The following PDE4D variants were observed in gnomAD, a reference collection of about 807,000 sequenced individuals.
The protein encoded by PDE4D is 3',5'-cyclic-AMP phosphodiesterase 4D.
Under a neutral mutation model 87.4 loss-of-function variants are expected in PDE4D, and 24 were observed. The ratio of observed to expected loss-of-function variants is 0.27; its 90% CI spans 0.20 to 0.39. The LOEUF (loss-of-function observed/expected upper bound fraction) is 0.39. PDE4D is among the 10% of genes least tolerant of loss of function. The pLI is 1.00. For missense variants in PDE4D, 714 were observed against 1,041.0 expected (o/e 0.69, Z 4.32); for synonymous variants, 384 against 383.2 (o/e 1.00, Z -0.02).
intron 1 of PDE4D, among the ~76,000 whole-genome samples, chr5:60,218,713 T>G (rs1360105452): frequency 6.6e-6 from 1 of 152,068 alleles, no homozygotes; most frequent in Non-Finnish European, 1.5e-5. Context: ...ATTGAACTAT[T>G]TTAGGGTTGT....
At chr5:60,422,235 A>C (rs1393075591) in intron 1 of PDE4D, among the ~76,000 whole-genome samples, 1 of 152,210 alleles carries the variant, frequency 6.6e-6, no homozygotes, top group Non-Finnish European at 1.5e-5. Flanking sequence ...CCCAAGACAC[A>C]TAATTTTCAG....
intron 2 of PDE4D, among the ~76,000 whole-genome samples, chr5:60,085,174 T>C (rs917963304): frequency 1.3e-5 from 2 of 152,132 alleles, no homozygotes; most frequent in African/African-American, 4.8e-5. Context: ...TATTCACAGG[T>C]TAATCTTCCA....
chr5:59,723,374 G>T (rs1756131670), intron 1 of PDE4D, among the ~76,000 whole-genome samples: 2 of 152,100 alleles, frequency 1.3e-5, no homozygotes, highest in African/African-American at 4.8e-5. Context: ...CTCATAGAAT[G>T]TGGTAAAACT....
At chr5:60,465,792 C>T (rs1358450386) in intron 1 of PDE4D, among the ~76,000 whole-genome samples, 2 of 151,792 alleles carry the variant, frequency 1.3e-5, no homozygotes, top group Non-Finnish European at 1.5e-5. Flanking sequence ...CTCACATTAG[C>T]CTACAGTTGG....
chr5:59,904,100 T>C (rs935308182), intron 3 of PDE4D, among the ~76,000 whole-genome samples: 21 of 152,194 alleles, frequency 1.4e-4, no homozygotes, highest in African/African-American at 4.6e-4. Context: ...GCTGCTGTTA[T>C]TGGTATTAGT....
intron 1 of PDE4D, among the ~76,000 whole-genome samples, chr5:59,313,637 CT>C (rs1032946879): frequency 6.6e-6 from 1 of 152,126 alleles, no homozygotes; most frequent in African/African-American, 2.4e-5. Context: ...CAGTACAAAC[CT>C]TAACCTTCCT....
At chr5:59,388,953 C>T (rs994813923) in intron 1 of PDE4D, among the ~76,000 whole-genome samples, 5 of 151,914 alleles carry the variant, frequency 3.3e-5, no homozygotes, top group Admixed American at 1.3e-4. Flanking sequence ...ATAATGGAAT[C>T]AAATTTTAGC....
chr5:59,053,662 T>TTTG (rs1366419772), intron 5 of PDE4D, among the ~76,000 whole-genome samples: 47 of 70,582 alleles, frequency 6.7e-4, no homozygotes, highest in African/African-American at 2.0e-3. Context: ...TTTGTTGTTG[T>TTTG]TTTTTTTTTT....
chr5:60,384,276 G>A (rs895475718), intron 1 of PDE4D, among the ~76,000 whole-genome samples: 1 of 152,074 alleles, frequency 6.6e-6, no homozygotes, highest in Non-Finnish European at 1.5e-5. Flanking sequence ...GTATGGTAAC[G>A]CAAATCATGC....
At chr5:59,591,717 A>AAAAAC (rs1225429334) in intron 1 of PDE4D, among the ~76,000 whole-genome samples, 7 of 152,190 alleles carry the variant, frequency 4.6e-5, no homozygotes, top group African/African-American at 1.7e-4. Context: ...CTTAGATGTC[A>AAAAAC]AAAACAAAAC....
At chr5:59,554,175 C>G (rs2153688987) in intron 1 of PDE4D, among the ~76,000 whole-genome samples, 1 of 152,228 alleles carries the variant, frequency 6.6e-6, no homozygotes, top group East Asian at 1.9e-4. Flanking sequence ...AAAGTTCCTG[C>G]TCTTGACATT....
chr5:59,817,638 G>A (rs933978852), intron 1 of PDE4D, among the ~76,000 whole-genome samples: 1 of 152,042 alleles, frequency 6.6e-6, no homozygotes, highest in African/African-American at 2.4e-5. Context: ...TTTAAATGTG[G>A]TCATAAGGGT....
intron 2 of PDE4D, among the ~76,000 whole-genome samples, chr5:60,166,230 G>GT (rs1782888166): frequency 6.6e-6 from 1 of 152,136 alleles, no homozygotes; most frequent in Non-Finnish European, 1.5e-5. Context: ...GAGTAGCTGG[G>GT]ACTACAGGCG....
intron 1 of PDE4D, among the ~76,000 whole-genome samples, chr5:59,631,849 G>GTTT (rs1554047443): frequency 2.0e-5 from 3 of 150,240 alleles, no homozygotes; most frequent in Non-Finnish European, 4.4e-5. Context: ...GCTAGCTGCA[G>GTTT]TTTTTTTTTC....
intron 1 of PDE4D, among the ~76,000 whole-genome samples, chr5:59,585,943 G>A (rs143324886): frequency 1.1e-4 from 16 of 152,152 alleles, no homozygotes; most frequent in Non-Finnish European, 1.8e-4. Flanking sequence ...CAGACAAATT[G>A]ATATATCAGA....
In PDE4D at chr5:59,893,619, C is replaced by A; in HGVS notation, c.4G>T (p.Glu2Ter). The A allele has an allele frequency of 6.7e-7, 1 of 1,502,030 alleles. No homozygotes were observed. Among genetic ancestry groups the A allele is most frequent in the Non-Finnish European group, 8.9e-7 (1 of 1,128,306 alleles). The allele number at this position is 1,502,030 out of a possible 1,614,324, so 93.0% of individuals were successfully genotyped here. A position where few individuals can be genotyped will look rare whatever the true frequency, so the allele number is the denominator to read the frequency against. M[E>*]AEGSSAPARA... is the part of the protein sequence containing the mutation. ...GCCGGCGCGCTGCTGCCCTCTGCCT[C>A]CATCCTGGCTCGCGGCTCCGCGACC... Residue 2 changes from glutamate to a stop codon, truncating the protein, a stop_gained, in exon 1 of 15, where the codon GAG becomes TAG. Coordinates refer to ENST00000340635, the MANE Select transcript of PDE4D (RefSeq NM_001104631.2). LOFTEE classifies it high-confidence loss of function.
chr5:59,276,122 GAAAAAAAA>G (rs56153175), intron 1 of PDE4D: 49 of 853,174 alleles, frequency 5.7e-5, no homozygotes, highest in Non-Finnish European at 6.7e-5. Context: ...AGTGAGAAAG[GAAAAAAAA>G]AAAAAAAAAA....
chr5:59,229,891 C>T (rs1477732800), intron 1 of PDE4D, among the ~76,000 whole-genome samples: 2 of 152,112 alleles, frequency 1.3e-5, no homozygotes, highest in African/African-American at 2.4e-5. Context: ...CTCCGCCTCC[C>T]GCGTTCAAGT....
intron 1 of PDE4D, among the ~76,000 whole-genome samples, chr5:60,355,186 T>A (rs1273820135): frequency 6.6e-6 from 1 of 152,190 alleles, no homozygotes; most frequent in African/African-American, 2.4e-5. Context: ...TAAAAACAAG[T>A]CAAGGTGTAA....
Sources: gnomAD v4.1 joint callset for allele counts (sites outside exome capture counted in the v4.1 genomes callset) on GRCh38, gnomAD v4.1.1 for gene constraint, MANE v1.5 for transcripts, NCBI Gene and HGNC (gene_info 2026-07-23, HGNC 2026-07-21) for gene names.